EPHA6: variants seen among roughly 807,000 people sequenced by gnomAD.
The protein encoded by EPHA6 is EPH receptor A6, also known as ephrin type-A receptor 6.
In EPHA6, 50 loss-of-function variants were observed where a neutral mutation model predicts 112.0. The observed-to-expected ratio is 0.45, with a 90% CI of 0.36 to 0.56. The LOEUF (loss-of-function observed/expected upper bound fraction) is 0.56, where lower values mean the gene tolerates loss of function less well. EPHA6 is among the 20% of genes least tolerant of loss of function. The pLI is 0.00. For missense variants in EPHA6, 1,280 were observed against 1,417.4 expected, an observed-to-expected ratio of 0.90 and a Z score of 1.56; for synonymous variants, 529 against 490.7, an observed-to-expected ratio of 1.08 and a Z score of -1.03.
intron 5 of EPHA6, among the ~76,000 whole-genome samples, chr3:97,280,826 CTA>C (rs2080260449): frequency 6.6e-6 from 1 of 152,110 alleles, no homozygotes; most frequent in South Asian, 2.1e-4. Context: ...AGTTAAATCT[CTA>C]TTACCCTTTA....
At chr3:97,035,205 C>A (rs1009425873) in intron 3 of EPHA6, among the ~76,000 whole-genome samples, 2 of 151,876 alleles carry the variant, frequency 1.3e-5, no homozygotes, top group Non-Finnish European at 2.9e-5. Context: ...AAGAAGTACA[C>A]AAGCACTCCA....
intron 5 of EPHA6, among the ~76,000 whole-genome samples, chr3:97,278,848 ACTC>A (rs995220932): frequency 6.6e-6 from 1 of 151,864 alleles, no homozygotes; most frequent in African/African-American, 2.4e-5. Context: ...TTTGACTCAG[ACTC>A]CTCCTCCATG....
At chr3:97,738,573 G>T (rs1261381250) in intron 16 of EPHA6, among the ~76,000 whole-genome samples, 1 of 152,042 alleles carries the variant, frequency 6.6e-6, no homozygotes, top group East Asian at 1.9e-4. Flanking sequence ...AAAGTAACAG[G>T]GATCCAGAGG....
At chr3:96,842,672 C>G (rs992532704) in intron 1 of EPHA6, among the ~76,000 whole-genome samples, 1 of 152,002 alleles carries the variant, frequency 6.6e-6, no homozygotes, top group African/African-American at 2.4e-5. Context: ...GTTAATTACA[C>G]TTTAACTGGT....
chr3:97,419,897 G>A (rs2088471737), intron 6 of EPHA6, among the ~76,000 whole-genome samples: 1 of 151,898 alleles, frequency 6.6e-6, no homozygotes, highest in African/African-American at 2.4e-5. Flanking sequence ...TGAGAAACTG[G>A]GAAGCCGCTA....
intron 2 of EPHA6, among the ~76,000 whole-genome samples, chr3:96,986,266 A>C (rs141193420): frequency 9.2e-5 from 14 of 152,340 alleles, no homozygotes; most frequent in African/African-American, 2.9e-4. Context: ...CTTTCTATGC[A>C]ATCAAGTGGC....
intron 3 of EPHA6, among the ~76,000 whole-genome samples, chr3:97,070,770 C>T (rs1004312896): frequency 3.0e-4 from 45 of 151,960 alleles, no homozygotes; most frequent in African/African-American, 7.5e-4. Flanking sequence ...GCTGAATAAC[C>T]GAAGCTATAA....
intron 2 of EPHA6, among the ~76,000 whole-genome samples, chr3:96,907,054 C>T (rs891131414): frequency 5.9e-5 from 9 of 151,564 alleles, no homozygotes; most frequent in Non-Finnish European, 1.3e-4. Context: ...GGACTTCTGC[C>T]ACTTGTCCTA....
At chr3:97,142,319 A>G (rs2075929403) in intron 3 of EPHA6, among the ~76,000 whole-genome samples, 1 of 152,122 alleles carries the variant, frequency 6.6e-6, no homozygotes, top group African/African-American at 2.4e-5. Context: ...TCAGGCTCAA[A>G]GAGTGTGTTT....
At chr3:97,315,563 G>A (rs1220002834) in intron 5 of EPHA6, among the ~76,000 whole-genome samples, 1 of 151,626 alleles carries the variant, frequency 6.6e-6, no homozygotes, top group African/African-American at 2.4e-5. Flanking sequence ...TGAAATATAG[G>A]AGGCATGTTA....
chr3:97,646,571 A>G (rs2094065779), intron 14 of EPHA6, among the ~76,000 whole-genome samples: 1 of 152,124 alleles, frequency 6.6e-6, no homozygotes, highest in Non-Finnish European at 1.5e-5. Flanking sequence ...GCCAATTGTG[A>G]AACAGCTTCG....
intron 2 of EPHA6, among the ~76,000 whole-genome samples, chr3:96,945,522 C>G (rs188498808): frequency 1.4e-4 from 21 of 152,304 alleles, no homozygotes; most frequent in Middle Eastern, 3.4e-3. Flanking sequence ...AAAATAAAAT[C>G]ATAGACCTGT....
chr3:97,759,716 T>A lies in EPHA6; in HGVS notation c.*11015T>A, dbSNP rs914992741. 17 of 228,754 alleles carry A rather than the reference T, an allele frequency of 7.4e-5. No individual in the cohort carries two copies. The highest frequency in any genetic ancestry group is 1.2e-4 in the Non-Finnish European group (14 of 115,232). 14.2% of individuals were successfully genotyped at this position (228,754 alleles called of 1,614,324 possible). ...GGATGTCACTACGTAAGTTTTTTTTTAATTTTACCAAGAATGAGATAAAAG... is the reference window on the plus strand; with the variant it reads ...GGATGTCACTACGTAAGTTTTTTTTAAATTTTACCAAGAATGAGATAAAAG... On this transcript the variant is annotated 3_prime_UTR_variant, in exon 18 of 18. Transcript: ENST00000389672.
chr3:97,473,669 G>T (rs1248521721), intron 7 of EPHA6, among the ~76,000 whole-genome samples: 1 of 151,702 alleles, frequency 6.6e-6, no homozygotes, highest in African/African-American at 2.4e-5. Flanking sequence ...ATGCTTTCTA[G>T]AACAACTATT....
Position 96,814,724 on chromosome 3 carries a change from C to T in EPHA6, c.101C>T (p.Ser34Leu), listed in dbSNP as rs1305087886. 1 of 1,572,150 alleles carries T rather than the reference C, an allele frequency of 6.4e-7. No homozygotes were observed. ...CCTGCAACTGGGCAGCCTGGACCCT[C>T]GTGCCCTGTTCCCGGGACCTCGCGC... ...AAPATGQPGP[S>L]CPVPGTSRRG... Residue 34 changes from serine to leucine, a missense_variant, in exon 1 of 18, where the codon TCG becomes TTG. By Grantham distance (145) the Ser-to-Leu change is moderately radical. Coordinates refer to ENST00000389672, the MANE Select transcript of EPHA6 (RefSeq NM_001080448.3).
intron 3 of EPHA6, among the ~76,000 whole-genome samples, chr3:97,208,867 A>ATTT (rs2077787873): frequency 1.3e-5 from 2 of 152,214 alleles, no homozygotes; most frequent in Admixed American, 6.5e-5. Context: ...ATAAATACAA[A>ATTT]CACATATTAT....
chr3:96,816,406 C>A (rs1242229452), intron 1 of EPHA6, among the ~76,000 whole-genome samples: 2 of 151,976 alleles, frequency 1.3e-5, no homozygotes, highest in African/African-American at 4.8e-5. Flanking sequence ...CACACTACAT[C>A]CCTCATTTAT....
intron 14 of EPHA6, among the ~76,000 whole-genome samples, chr3:97,650,950 T>C (rs1188255097): frequency 6.6e-6 from 1 of 152,020 alleles, no homozygotes; most frequent in Non-Finnish European, 1.5e-5. Flanking sequence ...ACTCCAACTT[T>C]CTTTTCAGCA....
chr3:96,879,623 G>A (rs2037188454), intron 2 of EPHA6, among the ~76,000 whole-genome samples: 1 of 152,058 alleles, frequency 6.6e-6, no homozygotes, highest in South Asian at 2.1e-4. Context: ...TTATGATACT[G>A]GTTCTTCCCA....
Sources: gnomAD v4.1 joint callset for allele counts (sites outside exome capture counted in the v4.1 genomes callset) on GRCh38, gnomAD v4.1.1 for gene constraint, MANE v1.5 for transcripts, NCBI Gene and HGNC (gene_info 2026-07-23, HGNC 2026-07-21) for gene names.